PI4K2B: variants seen among roughly 807,000 people sequenced by gnomAD.
PI4K2B encodes the protein phosphatidylinositol 4-kinase type 2-beta.
PI4K2B carries 46 observed loss-of-function variants against 56.6 expected under a neutral mutation model. The observed-to-expected ratio is 0.81, with a 90% confidence interval of 0.64 to 1.04. PI4K2B has a LOEUF of 1.04. Among genes scored for constraint, PI4K2B ranks in the 50% least tolerant of loss-of-function variants. PI4K2B has a pLI of 0.00. For synonymous variants in PI4K2B, 211 were observed against 223.8 expected, an observed-to-expected ratio of 0.94 and a Z score of 0.51; for missense variants, 556 against 607.7, an observed-to-expected ratio of 0.91 and a Z score of 0.89.
Position 25,277,138 on chromosome 4 carries a change from C to G in PI4K2B, c.1397C>G (p.Ser466Cys). 6.2e-7 allele frequency: 1 copy of G among 1,613,692 alleles called. No homozygotes were observed. The highest frequency in any genetic ancestry group is 1.1e-5 in the South Asian group (1 of 91,048). Residue 466 changes from serine to cysteine, a missense_variant, in exon 10 of 10, where the codon TCC becomes TGC. Transcript: ENST00000264864. ...GGTCGGATTGTCCACCTGAGCAATT[C>G]CTTTACCCAGACTGTCAATTGCAGG... ...SQGRIVHLSN[S>C]FTQTVNCRKP... is the part of the protein sequence containing the mutation.
chr4:25,246,984 AC>A (rs1208645590), intron 1 of PI4K2B, among the ~76,000 whole-genome samples: 2 of 152,066 alleles, frequency 1.3e-5, no homozygotes, highest in Non-Finnish European at 2.9e-5. Flanking sequence ...TCCAGTTCCC[AC>A]CCGCACCTGT....
chr4:25,256,275 C>G (rs113323849), intron 3 of PI4K2B, among the ~76,000 whole-genome samples: 4 of 152,310 alleles, frequency 2.6e-5, no homozygotes, highest in African/African-American at 9.6e-5. Flanking sequence ...ATGTTTATTC[C>G]TAAGTCTACA....
intron 9 of PI4K2B, 198 bp from the exon 10 acceptor site, chr4:25,276,816 T>TGCGCGTGTGTGTGTGC: frequency 1.2e-6 from 1 of 814,612 alleles, no homozygotes; most frequent in East Asian, 1.4e-4. Flanking sequence ...TGTGTGTGTG[T>TGCGCGTGTGTGTGTGC]GCGCGTGTGT....
At chr4:25,238,504 T>A (rs2109082294) in intron 1 of PI4K2B, among the ~76,000 whole-genome samples, 1 of 152,298 alleles carries the variant, frequency 6.6e-6, no homozygotes, top group East Asian at 1.9e-4. Flanking sequence ...GCGGTTAGTG[T>A]TACAGTTCTT....
At chr4:25,271,380 T>A (rs1716882965) in intron 9 of PI4K2B, among the ~76,000 whole-genome samples, 2 of 152,220 alleles carry the variant, frequency 1.3e-5, no homozygotes. Flanking sequence ...ATGTGCATTT[T>A]GGGTGTGAGA....
rs370336258 is a variant in PI4K2B, at chr4:25,269,125, T to G, written c.1213-19T>G. ...CAAAGTCTTTATTTTGGGAATTGTT[T>G]TTTTCCTTTCTATAATAGACTGACA... On this transcript the variant is annotated intron_variant, in intron 8 of 9. Coordinates refer to ENST00000264864, the MANE Select transcript of PI4K2B (RefSeq NM_018323.4). 4.6e-5 allele frequency: 68 copies of G among 1,466,846 alleles called. No homozygotes were observed. Among genetic ancestry groups the G allele is most frequent in the Non-Finnish European group, 6.0e-5 (64 of 1,060,644 alleles). 90.9% of individuals were successfully genotyped at this position (1,466,846 alleles called of 1,614,324 possible).
chr4:25,241,734 A>T (rs1170507467), intron 1 of PI4K2B, among the ~76,000 whole-genome samples: 1 of 152,150 alleles, frequency 6.6e-6, no homozygotes, highest in African/African-American at 2.4e-5. Flanking sequence ...TTGCTACTAC[A>T]TCAGTTTCCT....
At chr4:25,276,819 G>C in intron 9 of PI4K2B, 195 bp from the exon 10 acceptor site, 1 of 797,824 alleles carries the variant, frequency 1.3e-6, no homozygotes, top group Non-Finnish European at 1.5e-6. Flanking sequence ...GTGTGTGTGC[G>C]CGTGTGTGTG....
chr4:25,257,208 C>G (rs1716293950), intron 4 of PI4K2B, among the ~76,000 whole-genome samples: 2 of 151,608 alleles, frequency 1.3e-5, no homozygotes, highest in South Asian at 4.2e-4. Context: ...CAGGTGCACA[C>G]CACCACACCT....
At chr4:25,248,212 AATGAGTTCTCT>A (rs1437472760) in intron 1 of PI4K2B, among the ~76,000 whole-genome samples, 6 of 152,294 alleles carry the variant, frequency 3.9e-5, no homozygotes, top group African/African-American at 1.4e-4. Flanking sequence ...AAGGTTATAT[AATGAGTTCTCT>A]TATTTTTAGT....
At chr4:25,241,589 T>A (rs1295994425) in intron 1 of PI4K2B, among the ~76,000 whole-genome samples, 1 of 152,158 alleles carries the variant, frequency 6.6e-6, no homozygotes, top group Non-Finnish European at 1.5e-5. Flanking sequence ...AGCCATAAAC[T>A]TCCTTTGGCA....
At chr4:25,269,610 G>T (rs1253320362) in intron 9 of PI4K2B, among the ~76,000 whole-genome samples, 1 of 149,962 alleles carries the variant, frequency 6.7e-6, no homozygotes, top group Non-Finnish European at 1.5e-5. Flanking sequence ...CTGCACTCCA[G>T]CCTGAGCAAC....
intron 9 of PI4K2B, chr4:25,276,733 T>A: frequency 1.0e-6 from 1 of 985,390 alleles, no homozygotes; most frequent in Non-Finnish European, 1.2e-6. Context: ...CCATTGCTCC[T>A]GGACATAGGC....
chr4:25,244,052 A>G (rs980136542), intron 1 of PI4K2B, among the ~76,000 whole-genome samples: 3 of 152,190 alleles, frequency 2.0e-5, no homozygotes, highest in Non-Finnish European at 2.9e-5. Context: ...ACATCTCTCC[A>G]AGCAAGGTCG....
intron 1 of PI4K2B, among the ~76,000 whole-genome samples, chr4:25,251,181 A>AC (rs1305874820): frequency 6.6e-6 from 1 of 152,150 alleles, no homozygotes; most frequent in Non-Finnish European, 1.5e-5. Flanking sequence ...TGTGAATGGA[A>AC]CCTGGGCCAT....
chr4:25,249,470 G>C (rs1182752479), intron 1 of PI4K2B, among the ~76,000 whole-genome samples: 1 of 146,332 alleles, frequency 6.8e-6, no homozygotes, highest in Non-Finnish European at 1.5e-5. Context: ...GGGGCGGCTG[G>C]CCGGGCGGGG....
chr4:25,276,806 T>TGA, intron 9 of PI4K2B: 1 of 957,968 alleles, frequency 1.0e-6, no homozygotes, highest in East Asian at 1.2e-4. Context: ...TAATTGTGTG[T>TGA]GTGTGTGTGT....
In PI4K2B at chr4:25,278,356, A is replaced by T. The variant is rs188789928; in HGVS notation, c.*1169A>T. ...GTGATTTTACAGAAGCAGAAGTTTC[A>T]TTTTCTTGAGGCTTAAAACCAATGT... is the stretch of plus-strand genomic sequence containing the variant. On this transcript the variant is annotated 3_prime_UTR_variant, in exon 10 of 10. Coordinates refer to ENST00000264864, the MANE Select transcript of PI4K2B (RefSeq NM_018323.4). 6.6e-6 allele frequency: 1 copy of T among 152,310 alleles called. No homozygotes were observed. Among genetic ancestry groups the T allele is most frequent in the African/African-American group, 2.4e-5 (1 of 41,578 alleles). The allele number at this position is 152,310 out of a possible 1,614,324, so 9.4% of individuals were successfully genotyped here.
At chr4:25,265,723 T>C (rs1013070301) in intron 7 of PI4K2B, among the ~76,000 whole-genome samples, 1 of 152,246 alleles carries the variant, frequency 6.6e-6, no homozygotes, top group South Asian at 2.1e-4. Context: ...CATTGTGATC[T>C]GTGAATATGG....
Sources: allele counts gnomAD v4.1 joint callset (sites outside exome capture counted in the v4.1 genomes callset), GRCh38; gene constraint gnomAD v4.1.1; transcripts MANE v1.5; gene names NCBI Gene and HGNC (gene_info 2026-07-23, HGNC 2026-07-21).